ST7: variants seen among roughly 807,000 people sequenced by gnomAD.
The protein encoded by ST7 is suppression of tumorigenicity 7.
In ST7, 28 loss-of-function variants were observed where a neutral mutation model predicts 78.7. The observed-to-expected ratio is 0.36, with a 90% CI of 0.26 to 0.49. The LOEUF (loss-of-function observed/expected upper bound fraction) is 0.49. ST7 is among the 20% of genes least tolerant of loss of function. ST7 has a pLI of 0.99. For synonymous variants in ST7, 247 were observed against 249.6 expected (o/e 0.99, Z 0.10); for missense variants, 418 against 696.0 (o/e 0.60, Z 4.49).
chr7:117,100,518 A>C (rs551896721), intron 2 of ST7, among the ~76,000 whole-genome samples: 63 of 152,130 alleles, frequency 4.1e-4, no homozygotes, highest in Non-Finnish European at 7.9e-4. Context: ...TATTGTACAA[A>C]ATCAAGATCA....
intron 1 of ST7, among the ~76,000 whole-genome samples, chr7:117,025,167 G>A (rs1224505849): frequency 1.3e-5 from 2 of 152,144 alleles, no homozygotes; most frequent in South Asian, 2.1e-4. Context: ...GTTGGTAACT[G>A]GTCACATGTG....
At chr7:117,201,406 C>G (rs1424463345) in intron 12 of ST7, among the ~76,000 whole-genome samples, 2 of 152,146 alleles carry the variant, frequency 1.3e-5, no homozygotes, top group Non-Finnish European at 2.9e-5. Flanking sequence ...CCACCCCCAC[C>G]AGGCTCATTA....
At chr7:117,214,099 T>A (rs934039182) in intron 13 of ST7, among the ~76,000 whole-genome samples, 3 of 152,204 alleles carry the variant, frequency 2.0e-5, no homozygotes, top group African/African-American at 7.2e-5. Context: ...TATCTTGATC[T>A]TTTCAAGGCT....
intron 10 of ST7, among the ~76,000 whole-genome samples, chr7:117,187,352 GTTA>G (rs1378434132): frequency 2.6e-5 from 4 of 152,006 alleles, no homozygotes; most frequent in African/African-American, 7.2e-5. Flanking sequence ...ATATATTTTG[GTTA>G]TTTTTTTTAA....
chr7:117,020,673 TG>T (rs1795853389), intron 1 of ST7: 1 of 1,550,356 alleles, frequency 6.5e-7, no homozygotes, highest in African/African-American at 1.4e-5. Context: ...GAAATCTGCT[TG>T]CTGTCATGGT....
rs1024664509 is a variant in ST7, at chr7:117,138,479, A to G, written c.910A>G (p.Met304Val). Residue 304 changes from methionine to valine, a missense_variant, in exon 9 of 16, where the codon ATG becomes GTG. Met to Val is a conservative substitution (Grantham distance 21). Transcript: ENST00000323984. ...GGTGTACATCAAAAGAAGGCTAGCAATGTGTGCCAGAAGACTCGGGAGGAC... is the reference window on the plus strand; with the variant it reads ...GGTGTACATCAAAAGAAGGCTAGCAGTGTGTGCCAGAAGACTCGGGAGGAC... ...VLVYIKRRLA[M>V]CARRLGRTRE... The G allele has an allele frequency of 7.5e-6, 12 of 1,610,262 alleles. No individual in the cohort carries two copies. The highest frequency in any genetic ancestry group is 6.7e-5 in the African/African-American group (5 of 74,706).
At chr7:116,966,578 A>T (rs902191730) in intron 1 of ST7, among the ~76,000 whole-genome samples, 2 of 151,994 alleles carry the variant, frequency 1.3e-5, no homozygotes, top group African/African-American at 4.8e-5. Flanking sequence ...TTCATTAAAA[A>T]CTTGGTGTTC....
In ST7 at chr7:117,154,119, C is replaced by G. The variant is rs543768197; in HGVS notation, c.963+15587C>G. 6.6e-5 allele frequency among the ~76,000 whole-genome samples: 10 copies of G among 152,256 alleles called. No individual in the cohort carries two copies. In the South Asian group the frequency reaches 2.1e-3, roughly 32 times the overall value. ...AATTCATATGCCAAAGCTCCTCTCCCCACTGTGATGGCATCTAAAGACGGT... is the reference window on the plus strand; with the variant it reads ...AATTCATATGCCAAAGCTCCTCTCCGCACTGTGATGGCATCTAAAGACGGT... On this transcript the variant is annotated intron_variant, in intron 9 of 15. Transcript: ENST00000323984.
In ST7 at chr7:117,030,876, C is replaced by T. The variant is rs1055805194; in HGVS notation, c.152-68886C>T. On this transcript the variant is annotated intron_variant, in intron 1 of 15. Coordinates refer to ENST00000323984, the MANE Select transcript of ST7 (RefSeq NM_001369598.1). ...AATACAAGTAATTCTACCATAAAGA[C>T]ACATGCATGCATATGTTCACTGCAG... Among the ~76,000 whole-genome samples the T allele has an allele frequency of 2.0e-5, 3 of 152,098 alleles. No individual in the cohort carries two copies. In the South Asian group the frequency reaches 6.2e-4, roughly 31 times the overall value.
chr7:117,181,143 G>T (rs1185390520), intron 10 of ST7, among the ~76,000 whole-genome samples: 3 of 152,112 alleles, frequency 2.0e-5, no homozygotes, highest in Non-Finnish European at 2.9e-5. Context: ...ATAGATAAAA[G>T]TGTAAGGAAA....
chr7:116,954,173 A>C (rs1466908370), intron 1 of ST7: 1 of 151,484 alleles, frequency 6.6e-6, no homozygotes, highest in Non-Finnish European at 1.5e-5. Context: ...CGGAGGCCCG[A>C]GGGCGGCTGC....
intron 1 of ST7, chr7:117,020,496 G>C: frequency 7.5e-7 from 1 of 1,331,086 alleles, no homozygotes; most frequent in Middle Eastern, 1.8e-4. Context: ...GACCCCTGCT[G>C]TGTAGCCGGC....
chr7:117,103,028 G>GAAAGA (rs927342282), intron 2 of ST7, among the ~76,000 whole-genome samples: 3 of 151,976 alleles, frequency 2.0e-5, no homozygotes, highest in African/African-American at 7.3e-5. Context: ...TAAAAAAAGT[G>GAAAGA]AAAGATGCAT....
At chr7:117,224,002 T>G in intron 15 of ST7, 3 of 946,204 alleles carry the variant, frequency 3.2e-6, no homozygotes, top group Non-Finnish European at 3.8e-6. Flanking sequence ...AATCATAGCC[T>G]CTTAGAGTTG....
At chr7:116,988,228 T>C (rs2116366511) in intron 1 of ST7, among the ~76,000 whole-genome samples, 1 of 152,332 alleles carries the variant, frequency 6.6e-6, no homozygotes, top group South Asian at 2.1e-4. Context: ...CTCAGCTACA[T>C]TAGTTGCTTT....
At chr7:117,168,178 T>A (rs1170445376) in intron 9 of ST7, among the ~76,000 whole-genome samples, 2 of 152,242 alleles carry the variant, frequency 1.3e-5, no homozygotes, top group Non-Finnish European at 2.9e-5. Context: ...GGACACAGTA[T>A]ACTCTGTCCA....
intron 1 of ST7, among the ~76,000 whole-genome samples, chr7:117,014,074 CAGTT>C (rs1169963395): frequency 2.6e-5 from 4 of 152,128 alleles, no homozygotes; most frequent in East Asian, 1.9e-4. Context: ...GCATTCTAAA[CAGTT>C]AGTACCTCAT....
At chr7:117,000,674 G>A (rs766087898) in intron 1 of ST7, among the ~76,000 whole-genome samples, 7 of 152,176 alleles carry the variant, frequency 4.6e-5, no homozygotes, top group South Asian at 4.1e-4. Context: ...ACTTAAGATC[G>A]CAGGGAAATA....
At chr7:117,192,851 TC>T (rs1486219068) in intron 12 of ST7, among the ~76,000 whole-genome samples, 2 of 152,156 alleles carry the variant, frequency 1.3e-5, no homozygotes, top group African/African-American at 4.8e-5. Flanking sequence ...TAACTAGGAT[TC>T]CACCTGCAAA....
Sources: allele counts gnomAD v4.1 joint callset (sites outside exome capture counted in the v4.1 genomes callset), GRCh38; gene constraint gnomAD v4.1.1; transcripts MANE v1.5; gene names NCBI Gene and HGNC (gene_info 2026-07-23, HGNC 2026-07-21).